The following TRPM2 variants were observed in gnomAD, a reference collection of about 807,000 sequenced individuals.
TRPM2 encodes transient receptor potential cation channel subfamily M member 2, also known as estrogen-responsive element-associated gene 1 protein.
Under a neutral mutation model 174.0 loss-of-function variants are expected in TRPM2, and 161 were observed. That is an observed-to-expected ratio of 0.93 (90% CI 0.81 to 1.05). The LOEUF is 1.05. Among genes scored for constraint, TRPM2 ranks in the 50% least tolerant of loss-of-function variants. The probability of loss-of-function intolerance (pLI) is 0.00; values close to 1 mark genes in which losing one functional copy is unlikely to be tolerated. For missense variants in TRPM2, 2,057 were observed against 2,038.0 expected, an observed-to-expected ratio of 1.01 and a Z score of -0.18; for synonymous variants, 954 against 861.3, an observed-to-expected ratio of 1.11 and a Z score of -1.88.
chr21:44,391,580 C>T lies in TRPM2; in HGVS notation c.1749C>T (p.Asn583=), dbSNP rs201888774. 191 of 1,589,696 alleles carry T rather than the reference C, an allele frequency of 1.2e-4. No individual in the cohort carries two copies. In the Middle Eastern group the frequency reaches 1.2e-3, roughly 10 times the overall value. ...CGCTTTATCCCCGGCCCCGGCACAA[C>T]GACCGGCTGCGGCTCCTGCTGCCCG... ...TQPLYPRPRH[N]DRLRLLLPVP... Residue 583 remains asparagine, a synonymous_variant, in exon 11 of 32, where the codon AAC becomes AAT. Coordinates refer to ENST00000397928, the MANE Select transcript of TRPM2 (RefSeq NM_003307.4). The surrounding 1 kb of genome is among the most constrained non-coding windows in gnomAD (Gnocchi z 5.0).
chr21:44,434,073 C>T (rs1234408478), intron 27 of TRPM2, among the ~76,000 whole-genome samples: 2 of 148,080 alleles, frequency 1.4e-5, no homozygotes, highest in Non-Finnish European at 3.0e-5. Flanking sequence ...CCTGGAGCAG[C>T]CACGCACTGC....
rs770159677 is a variant in TRPM2 at position 44,382,827 on chromosome 21, G to A, written c.1318+7G>A. ...TTGCAGGCCTTGCTGAAAGGTGAGG[G>A]TCAGGGAACATGGGGGCAATGGGGT... On this transcript the variant is annotated splice_region_variant and intron_variant, in intron 9 of 31. Coordinates refer to ENST00000397928, the MANE Select transcript of TRPM2 (RefSeq NM_003307.4). 9 of 1,611,196 alleles carry A rather than the reference G, an allele frequency of 5.6e-6. No individual in the cohort carries two copies. In the South Asian group the frequency reaches 7.7e-5, roughly 14 times the overall value.
At chr21:44,369,122 G>A in intron 4 of TRPM2, 55 bp from the exon 5 acceptor site, 2 of 1,345,702 alleles carry the variant, frequency 1.5e-6, no homozygotes, top group South Asian at 1.4e-5. Flanking sequence ...CAGGCTCCTG[G>A]GTGTCAGGTG....
intron 9 of TRPM2, among the ~76,000 whole-genome samples, chr21:44,384,432 A>G (rs1423933157): frequency 1.3e-5 from 2 of 152,208 alleles, no homozygotes; most frequent in East Asian, 3.8e-4. Context: ...CAGCACATAC[A>G]TGCCCTTCCA....
chr21:44,411,566 C>A (rs957133954), intron 19 of TRPM2, among the ~76,000 whole-genome samples: 1 of 152,058 alleles, frequency 6.6e-6, no homozygotes. Context: ...AACTGGTTGC[C>A]TTTTATTTCT....
chr21:44,402,193 T>C (rs1401585552), intron 16 of TRPM2, among the ~76,000 whole-genome samples: 2 of 152,188 alleles, frequency 1.3e-5, no homozygotes, highest in Non-Finnish European at 2.9e-5. Flanking sequence ...ACTATGAGTA[T>C]GTCCCTTCCC....
Position 44,354,665 on chromosome 21 carries a change from G to T in TRPM2, c.183G>T (p.Ser61=), listed in dbSNP as rs769258683. Reference sequence around the variant, plus strand: ...ACCTTCAGCAAGAAAGCCTCAGTTCGTGGATTCCTGAAAACATCAAGAAGA... The same window carrying T: ...ACCTTCAGCAAGAAAGCCTCAGTTCTTGGATTCCTGAAAACATCAAGAAGA... The part of the protein sequence containing the change: ...GNNDKQESLS[S]WIPENIKKKE... Residue 61 remains serine (S), a synonymous_variant, in exon 2 of 32, where the codon TCG becomes TCT. Coordinates refer to ENST00000397928, the MANE Select transcript of TRPM2 (RefSeq NM_003307.4). The surrounding 1 kb of genome is among the most constrained non-coding windows in gnomAD (Gnocchi z 4.3). The T allele has an allele frequency of 1.2e-6, 2 of 1,614,158 alleles. No homozygotes were observed. Among genetic ancestry groups the T allele is most frequent in the Middle Eastern group, 1.6e-4 (1 of 6,062 alleles).
chr21:44,420,736 A>G (rs2050519208), intron 22 of TRPM2, among the ~76,000 whole-genome samples: 1 of 152,220 alleles, frequency 6.6e-6, no homozygotes, highest in African/African-American at 2.4e-5. Flanking sequence ...TGTCAGGATG[A>G]AGCTGGAAGG....
At chr21:44,418,220 T>G in intron 21 of TRPM2, 112 bp downstream of exon 21, 1 of 1,427,816 alleles carries the variant, frequency 7.0e-7, no homozygotes, top group Non-Finnish European at 9.4e-7. Context: ...GGCGTGCAGG[T>G]CACTCAGGCT....
rs576369479 is a variant in TRPM2 at position 44,353,799 on chromosome 21, C to T, written c.99C>T (p.Leu33=). The T allele has an allele frequency of 1.0e-4, 168 of 1,602,534 alleles. 2 individuals are homozygous for T. In the South Asian group the frequency reaches 1.8e-3, roughly 17 times the overall value. The part of the protein sequence containing the change: ...RVTDLGMVSN[L]RRSNSSLFKS... ...CTGACCTGGGGATGGTCTCCAATCT[C>T]CGGCGCAGCAACAGCAGCCTCTTCA... is the stretch of plus-strand genomic sequence containing the variant. Residue 33 remains leucine (L), a synonymous_variant, in exon 1 of 32, where the codon CTC becomes CTT. Coordinates refer to ENST00000397928, the MANE Select transcript of TRPM2 (RefSeq NM_003307.4).
intron 2 of TRPM2, among the ~76,000 whole-genome samples, chr21:44,355,479 T>C (rs1207747554): frequency 1.3e-5 from 2 of 152,218 alleles, no homozygotes; most frequent in South Asian, 2.1e-4. Flanking sequence ...TCAAGGCCTA[T>C]TGCAGATGCT....
At chr21:44,378,719 C>A (rs1348628522) in intron 7 of TRPM2, among the ~76,000 whole-genome samples, 1 of 152,208 alleles carries the variant, frequency 6.6e-6, no homozygotes, top group Non-Finnish European at 1.5e-5. Context: ...GCTGCGAGGC[C>A]CTCACGTCTG....
chr21:44,405,203 T>A lies in TRPM2; in HGVS notation c.2600T>A (p.Phe867Tyr). 1 of 1,613,488 alleles carries A rather than the reference T, an allele frequency of 6.2e-7. No homozygotes were observed. Among genetic ancestry groups the A allele is most frequent in the African/African-American group, 1.3e-5 (1 of 75,042 alleles). Residue 867 changes from phenylalanine to tyrosine, a missense_variant, in exon 17 of 32, where the codon TTC (phenylalanine) becomes TAC (tyrosine). Physicochemically the swap from Phe to Tyr is conservative, Grantham distance 22 (BLOSUM62 3). Transcript: ENST00000397928. ...MKKAALYFSD[F>Y]WNKLDVGAIL... ...AAGGCAGCCTTGTACTTCAGTGACT[T>A]CTGGAATAAGCTGGACGTCGGCGCA... is the stretch of plus-strand genomic sequence containing the variant.
chr21:44,391,177 G>A lies in TRPM2; in HGVS notation c.1441-95G>A. Reference sequence around the variant, plus strand: ...GCAGCTTTCATCCTCCCCAGGTTGGGGACAACAGCAGCCCCCATCTCCAGG... The same window carrying A: ...GCAGCTTTCATCCTCCCCAGGTTGGAGACAACAGCAGCCCCCATCTCCAGG... On this transcript the variant is annotated intron_variant, in intron 10 of 31. Transcript: ENST00000397928. The surrounding 1 kb of genome is among the most constrained non-coding windows in gnomAD (Gnocchi z 5.0). 6.5e-7 allele frequency: 1 copy of A among 1,535,862 alleles called. No homozygotes were observed. Among genetic ancestry groups the A allele is most frequent in the Non-Finnish European group, 8.9e-7 (1 of 1,129,252 alleles).
intron 30 of TRPM2, 87 bp from the exon 31 acceptor site, chr21:44,440,702 G>A (rs2051466408): frequency 8.9e-7 from 1 of 1,118,766 alleles, no homozygotes. Flanking sequence ...TGTGCTCAGA[G>A]CTGGGTCAGG....
chr21:44,371,293 C>T lies in TRPM2; in HGVS notation c.771+1950C>T, dbSNP rs1021209759. On this transcript the variant is annotated intron_variant, in intron 5 of 31. Coordinates refer to ENST00000397928, the MANE Select transcript of TRPM2 (RefSeq NM_003307.4). The stretch of plus-strand genomic sequence containing the variant: ...GCCGCCTCCCTCCAGTGTCTGCCTC[C>T]GTGTCCCGTGGCCGCCTCCCTCCAG... 1.9e-3 allele frequency among the ~76,000 whole-genome samples: 273 copies of T among 141,776 alleles called. 1 individual carries two copies. The highest frequency in any genetic ancestry group is 3.7e-3 in the South Asian group (15 of 4,056). The allele number at this position is 141,776 out of a possible 152,430, so 93.0% of individuals were successfully genotyped here.
rs528967005 is a variant in TRPM2 at position 44,418,668 on chromosome 21, G to C, written c.3461+113G>C. 8.1e-6 allele frequency: 11 copies of C among 1,351,578 alleles called. No individual in the cohort carries two copies. The East Asian group carries it at 2.5e-4, about 31-fold the overall frequency. The allele number at this position is 1,351,578 out of a possible 1,614,324, so 83.7% of individuals were successfully genotyped here. A position where few individuals can be genotyped will look rare whatever the true frequency, so the allele number is the denominator to read the frequency against. On this transcript the variant is annotated intron_variant, in intron 22 of 31. Transcript: ENST00000397928. Reference sequence around the variant, plus strand: ...GGGGAGGCCCAGCAATGCCTCACCGGTGAGGGAGCGCTGTATCCCGTGGCC... The same window carrying C: ...GGGGAGGCCCAGCAATGCCTCACCGCTGAGGGAGCGCTGTATCCCGTGGCC...
chr21:44,435,333 C>A, intron 28 of TRPM2, 116 bp downstream of exon 28: 1 of 1,084,272 alleles, frequency 9.2e-7, no homozygotes, highest in Admixed American at 2.3e-5. Context: ...TGATGCTTGG[C>A]ACTTGGTGCC....
intron 27 of TRPM2, among the ~76,000 whole-genome samples, chr21:44,428,891 C>G (rs1205294439): frequency 1.3e-5 from 2 of 152,246 alleles, no homozygotes; most frequent in African/African-American, 4.8e-5. Flanking sequence ...ATGCCTCTGT[C>G]CCAGTCATCT....
Sources: gnomAD v4.1 joint callset for allele counts (sites outside exome capture counted in the v4.1 genomes callset) on GRCh38, gnomAD v4.1.1 for gene constraint, Gnocchi (gnomAD v3.1) non-coding constraint, MANE v1.5 for transcripts, NCBI Gene and HGNC (gene_info 2026-07-23, HGNC 2026-07-21) for gene names.